The following TOX2 variants were observed in gnomAD, a reference collection of about 807,000 sequenced individuals.
The protein encoded by TOX2 is TOX high mobility group box family member 2.
Under a neutral mutation model 47.4 loss-of-function variants are expected in TOX2, and 15 were observed. That is an observed-to-expected ratio of 0.32 (90% CI 0.21 to 0.49). The LOEUF is 0.49. TOX2 is among the 20% of genes least tolerant of loss of function. The pLI, the probability that TOX2 is intolerant of heterozygous loss-of-function variation, is 0.99. For missense variants in TOX2, 622 were observed against 673.1 expected, an observed-to-expected ratio of 0.92 and a Z score of 0.84; for synonymous variants, 290 against 296.6, an observed-to-expected ratio of 0.98 and a Z score of 0.23.
Position 43,915,034 on chromosome 20 carries a change from T to C in TOX2, c.99+44T>C. The C allele has an allele frequency of 8.6e-7, 1 of 1,167,530 alleles. No homozygotes were observed. Among genetic ancestry groups the C allele is most frequent in the Non-Finnish European group, 1.1e-6 (1 of 935,132 alleles). The allele number at this position is 1,167,530 out of a possible 1,614,324, so 72.3% of individuals were successfully genotyped here. ...GGGTCCCCGGCGGGCGGGGCCGGAGTCACCTGGCAGCTCGGGACTCAGGCG... is the reference window on the plus strand; with the variant it reads ...GGGTCCCCGGCGGGCGGGGCCGGAGCCACCTGGCAGCTCGGGACTCAGGCG... On this transcript the variant is annotated intron_variant, in intron 1 of 8. Coordinates refer to ENST00000341197, the MANE Select transcript of TOX2 (RefSeq NM_001098797.2). This position sits in a 1 kb window ranked among gnomAD's most constrained non-coding sequence, Gnocchi z 7.1.
chr20:43,968,479 G>C (rs997764378), intron 1 of TOX2, among the ~76,000 whole-genome samples: 2 of 152,132 alleles, frequency 1.3e-5, no homozygotes, highest in African/African-American at 4.8e-5. Flanking sequence ...GTTGGAATAG[G>C]GGCCGAGGAG....
chr20:44,018,841 G>C (rs1217173911), intron 3 of TOX2, among the ~76,000 whole-genome samples: 2 of 152,198 alleles, frequency 1.3e-5, no homozygotes, highest in African/African-American at 2.4e-5. Flanking sequence ...GCTGGGGCCC[G>C]GGCTATGGTG....
chr20:44,013,772 T>C (rs1215143738), intron 3 of TOX2, among the ~76,000 whole-genome samples: 2 of 152,092 alleles, frequency 1.3e-5, no homozygotes, highest in African/African-American at 4.8e-5. Flanking sequence ...ATTGCAGTGC[T>C]TGGCCCAGGG....
In TOX2 at chr20:44,036,439, A is replaced by C. The variant is rs111259903; in HGVS notation, c.412-14867A>C. Among the ~76,000 whole-genome samples the C allele has an allele frequency of 3.8e-3, 574 of 152,334 alleles. 3 individuals are homozygous for C. Among genetic ancestry groups the C allele is most frequent in the African/African-American group, 0.013 (540 of 41,574 alleles). On this transcript the variant is annotated intron_variant, in intron 3 of 8. Coordinates refer to ENST00000341197, the MANE Select transcript of TOX2 (RefSeq NM_001098797.2). ...CTTGGGCACGTGACTTCTCATTCTG[A>C]GCCTCAGTTTCCTCATCTGTAAAAT...
chr20:43,987,277 C>T (rs559040496), intron 2 of TOX2, among the ~76,000 whole-genome samples: 1 of 152,126 alleles, frequency 6.6e-6, no homozygotes, highest in Non-Finnish European at 1.5e-5. Context: ...CAAGACAGAA[C>T]ATTCTAGACA....
intron 2 of TOX2, among the ~76,000 whole-genome samples, chr20:43,989,494 T>C (rs1477445702): frequency 2.0e-5 from 3 of 152,172 alleles, no homozygotes; most frequent in Non-Finnish European, 2.9e-5. Flanking sequence ...ACAGCATATA[T>C]TAGGGCTAGG....
At position 44,065,769 on chromosome 20, in the gene TOX2, C is replaced by T. The variant is rs1246249868; in HGVS notation, c.1018C>T (p.Leu340Phe). 1.2e-6 allele frequency: 2 copies of T among 1,608,946 alleles called. No individual in the cohort carries two copies. The highest frequency in any genetic ancestry group is 2.7e-5 in the African/African-American group (2 of 74,832). Reference sequence around the variant, plus strand: ...TCAGGCAAACCCACCAGCCAAAATGCTCCCACCCAAGCAGCCCATGTATGC... The same window carrying T: ...TCAGGCAAACCCACCAGCCAAAATGTTCCCACCCAAGCAGCCCATGTATGC... ...STQANPPAKM[L>F]PPKQPMYAMP... The change falls in exon 7 of 9, where the codon CTC (leucine) becomes TTC (phenylalanine). Residue 340 changes from leucine (L) to phenylalanine (F), a missense_variant. Around this residue, in one of 3 missense-constraint regions of TOX2, gnomAD observed 294 missense variants for 300.0 expected, o/e 0.98. Coordinates refer to ENST00000341197, the MANE Select transcript of TOX2 (RefSeq NM_001098797.2).
Position 43,937,215 on chromosome 20 carries a change from G to T in TOX2, c.99+22225G>T, listed in dbSNP as rs373935496. 1.1e-4 allele frequency among the ~76,000 whole-genome samples: 17 copies of T among 152,296 alleles called. 1 individual carries two copies. The highest frequency in any genetic ancestry group is 3.9e-4 in the Admixed American group (6 of 15,304). On this transcript the variant is annotated intron_variant, in intron 1 of 8. Coordinates refer to ENST00000341197, the MANE Select transcript of TOX2 (RefSeq NM_001098797.2). ...CACGCGCGAAGGTCCTGTGGAAGGA[G>T]GGGCCTGGCACACTTGACCACTCCA... is the stretch of plus-strand genomic sequence containing the variant.
At chr20:43,926,357 CT>C (rs1357814040) in intron 1 of TOX2, among the ~76,000 whole-genome samples, 1 of 152,102 alleles carries the variant, frequency 6.6e-6, no homozygotes, top group Admixed American at 6.5e-5. Context: ...CCAAATGTGA[CT>C]TTGAGTTTGA....
chr20:43,936,618 C>G (rs2069329799), intron 1 of TOX2, among the ~76,000 whole-genome samples: 1 of 152,106 alleles, frequency 6.6e-6, no homozygotes. Flanking sequence ...TGGCTCAGCT[C>G]CCCACATGAC....
chr20:44,021,163 C>T (rs770444255), intron 3 of TOX2, among the ~76,000 whole-genome samples: 1 of 152,056 alleles, frequency 6.6e-6, no homozygotes, highest in African/African-American at 2.4e-5. Flanking sequence ...GTATCAGGGA[C>T]GTCTTGTGAC....
intron 1 of TOX2, among the ~76,000 whole-genome samples, chr20:43,939,679 C>T (rs1396603898): frequency 6.6e-6 from 1 of 152,180 alleles, no homozygotes; most frequent in Non-Finnish European, 1.5e-5. Flanking sequence ...TAAACTGACC[C>T]TGCAGCTTAG....
intron 3 of TOX2, among the ~76,000 whole-genome samples, chr20:44,041,346 G>T (rs114520949): frequency 6.6e-6 from 1 of 152,204 alleles, no homozygotes; most frequent in African/African-American, 2.4e-5. Flanking sequence ...CATGGTAAAG[G>T]GGGCGGGGTC....
chr20:44,001,253 A>G (rs908263651), intron 2 of TOX2, among the ~76,000 whole-genome samples: 1 of 152,212 alleles, frequency 6.6e-6, no homozygotes, highest in African/African-American at 2.4e-5. Flanking sequence ...ACCAGGACCT[A>G]CTAGCTATGT....
At chr20:44,064,907 G>C in intron 6 of TOX2, 50 bp downstream of exon 6, 1 of 1,571,776 alleles carries the variant, frequency 6.4e-7, no homozygotes. Context: ...GGGGCCACTT[G>C]AGGAATGGAG....
At chr20:44,056,368 TTG>T (rs1392215293) in intron 5 of TOX2, among the ~76,000 whole-genome samples, 1 of 152,222 alleles carries the variant, frequency 6.6e-6, no homozygotes, top group African/African-American at 2.4e-5. Context: ...TCATTTTCAC[TTG>T]TGTGTTTCGT....
chr20:44,061,479 A>G, intron 5 of TOX2, among the ~76,000 whole-genome samples: 1 of 151,620 alleles, frequency 6.6e-6, no homozygotes, highest in East Asian at 1.9e-4. Context: ...CAAGGTAATA[A>G]AAGCCATCTA....
chr20:43,923,079 G>A (rs1180166539), intron 1 of TOX2, among the ~76,000 whole-genome samples: 2 of 152,086 alleles, frequency 1.3e-5, no homozygotes, highest in African/African-American at 2.4e-5. Flanking sequence ...GAGTGGTGGG[G>A]GGTGTTCCAG....
intron 3 of TOX2, among the ~76,000 whole-genome samples, chr20:44,043,629 CAG>C (rs2071369605): frequency 2.6e-5 from 4 of 152,306 alleles, no homozygotes; most frequent in Admixed American, 2.6e-4. Flanking sequence ...GAATACACCA[CAG>C]ATTTTCGCCA....
Sources: allele counts gnomAD v4.1 joint callset (sites outside exome capture counted in the v4.1 genomes callset), GRCh38; gene constraint gnomAD v4.1.1; regional missense constraint gnomAD v4.1.1; non-coding constraint Gnocchi (gnomAD v3.1); transcripts MANE v1.5; gene names NCBI Gene and HGNC (gene_info 2026-07-23, HGNC 2026-07-21).